Variants in OR9Q2 observed in about 807,000 individuals in gnomAD.
OR9Q2 encodes olfactory receptor family 9 subfamily Q member 2.
OR9Q2 carries 2 observed loss-of-function variants against 2.3 expected under a neutral mutation model. The ratio of observed to expected loss-of-function variants is 0.85; its 90% CI spans 0.35 to 2.68. The LOEUF is 2.68. OR9Q2 is among the 30% of genes most tolerant of loss of function. The pLI, the probability that OR9Q2 is intolerant of heterozygous loss-of-function variation, is 0.10. For synonymous variants in OR9Q2, 178 were observed against 158.6 expected, an observed-to-expected ratio of 1.12 and a Z score of -0.92; for missense variants, 404 against 395.7, an observed-to-expected ratio of 1.02 and a Z score of -0.18.
Position 58,191,573 on chromosome 11 carries a change from A to G in OR9Q2, c.*138A>G. 1.7e-6 allele frequency: 1 copy of G among 596,662 alleles called. No homozygotes were observed. The highest frequency in any genetic ancestry group is 2.8e-5 in the East Asian group (1 of 36,182). The allele number at this position is 596,662 out of a possible 1,614,324, so 37.0% of individuals were successfully genotyped here. A position where few individuals can be genotyped will look rare whatever the true frequency, so the allele number is the denominator to read the frequency against. ...ACTTCCCACCTCCACTTTCTGATTT[A>G]TTATTCCATGTAATACTTATCATCA... On this transcript the variant is annotated 3_prime_UTR_variant, in exon 2 of 2. Transcript: ENST00000641291.
Position 58,191,389 on chromosome 11 carries a change from C to A in OR9Q2, c.899C>A (p.Ala300Asp). 1.2e-6 allele frequency: 2 copies of A among 1,613,218 alleles called. No individual in the cohort carries two copies. Among genetic ancestry groups the A allele is most frequent in the Non-Finnish European group, 1.7e-6 (2 of 1,179,540 alleles). Residue 300 changes from alanine to aspartate, a missense_variant, in exon 2 of 2, where the codon GCC (alanine) becomes GAC (aspartate). Physicochemically the swap from Ala to Asp is moderately radical, Grantham distance 126. Transcript: ENST00000641291. ...CTGAGAAACAAGGAGGTAAAAGAGG[C>A]CACTAGGAAAGCCCTGAGCAAATCA... is the stretch of plus-strand genomic sequence containing the variant. ...YSLRNKEVKE[A>D]TRKALSKSKP... is the part of the protein sequence containing the mutation.
chr11:58,194,032 A>G lies in OR9Q2; in HGVS notation c.*2597A>G, dbSNP rs1565102369. 2 of 152,184 alleles carry G rather than the reference A, an allele frequency of 1.3e-5. No homozygotes were observed. Among genetic ancestry groups the G allele is most frequent in the African/African-American group, 2.4e-5 (1 of 41,458 alleles). 9.4% of individuals were successfully genotyped at this position (152,184 alleles called of 1,614,324 possible). On this transcript the variant is annotated 3_prime_UTR_variant, in exon 2 of 2. Transcript: ENST00000641291. ...CAAACACTGATTATTGTTATTTATTACTATTAGCATTTACAAATATGGAAT... is the reference window on the plus strand; with the variant it reads ...CAAACACTGATTATTGTTATTTATTGCTATTAGCATTTACAAATATGGAAT...
In OR9Q2 at chr11:58,190,866, G is replaced by C; in HGVS notation, c.376G>C (p.Val126Leu). 1.2e-6 allele frequency: 2 copies of C among 1,614,186 alleles called. No individual in the cohort carries two copies. Among genetic ancestry groups the C allele is most frequent in the South Asian group, 2.2e-5 (2 of 91,082 alleles). The change falls in exon 2 of 2, where the codon GTG becomes CTG. Residue 126 changes from valine (V) to leucine (L), a missense_variant. Transcript: ENST00000641291. ...AIMAYDRYTA[V>L]CQPLLYVTII... Reference sequence around the variant, plus strand: ...CATGGCCTATGACCGCTACACGGCCGTGTGCCAGCCCCTGCTTTATGTCAC... The same window carrying C: ...CATGGCCTATGACCGCTACACGGCCCTGTGCCAGCCCCTGCTTTATGTCAC...
In OR9Q2 at chr11:58,190,970, G is replaced by A. The variant is rs773474840; in HGVS notation, c.480G>A (p.Thr160=). 4.3e-6 allele frequency: 7 copies of A among 1,613,916 alleles called. No individual in the cohort carries two copies. In the East Asian group the frequency reaches 8.9e-5, roughly 21 times the overall value. Residue 160 remains threonine (T), a synonymous_variant, in exon 2 of 2, where the codon ACG becomes ACA. Coordinates refer to ENST00000641291, the MANE Select transcript of OR9Q2 (RefSeq NM_001005283.3). The part of the protein sequence containing the change: ...VAGFFSAFVR[T]VTAFTLSFCG... ...GTTTTTTCAGTGCCTTTGTTCGAACGGTCACAGCCTTCACTCTCTCCTTTT... is the reference window on the plus strand; with the variant it reads ...GTTTTTTCAGTGCCTTTGTTCGAACAGTCACAGCCTTCACTCTCTCCTTTT...
chr11:58,192,668 T>C lies in OR9Q2; in HGVS notation c.*1233T>C, dbSNP rs1336623105. The C allele has an allele frequency of 6.6e-6, 1 of 152,084 alleles. No homozygotes were observed. Among genetic ancestry groups the C allele is most frequent in the African/African-American group, 2.4e-5 (1 of 41,396 alleles). 9.4% of individuals were successfully genotyped at this position (152,084 alleles called of 1,614,324 possible). On this transcript the variant is annotated 3_prime_UTR_variant, in exon 2 of 2. Transcript: ENST00000641291. ...TTGAGGAATGTTTGTTTTAAGGAGA[T>C]ATAATAAATATTTTAGAAAGGAGAT...
Position 58,190,508 on chromosome 11 carries a change from C to T in OR9Q2, c.18C>T (p.Tyr6=). The T allele has an allele frequency of 6.2e-7, 1 of 1,613,318 alleles. No homozygotes were observed. Among genetic ancestry groups the T allele is most frequent in the Non-Finnish European group, 8.5e-7 (1 of 1,179,396 alleles). Residue 6 remains tyrosine, a synonymous_variant, in exon 2 of 2, where the codon TAC becomes TAT. Coordinates refer to ENST00000641291, the MANE Select transcript of OR9Q2 (RefSeq NM_001005283.3). The part of the protein sequence containing the change: MAERN[Y]TVVTEFFLTA... ...CTGGATGGATGGCTGAAAGGAATTA[C>T]ACCGTAGTGACGGAGTTCTTCCTTA...
chr11:58,190,571 C>G lies in OR9Q2; in HGVS notation c.81C>G (p.Leu27=). 6.2e-7 allele frequency: 1 copy of G among 1,614,112 alleles called. No individual in the cohort carries two copies. Among genetic ancestry groups the G allele is most frequent in the African/African-American group, 1.3e-5 (1 of 75,042 alleles). ...AACATCTCCAGTGGAGGGTTCCTCT[C>G]TTCCTCATATTTTTGAGTTTCTATC... ...FTEHLQWRVP[L]FLIFLSFYLA... Residue 27 remains leucine, a synonymous_variant, in exon 2 of 2, where the codon CTC becomes CTG. Coordinates refer to ENST00000641291, the MANE Select transcript of OR9Q2 (RefSeq NM_001005283.3).
chr11:58,189,151 T>C (rs137906548), intron 1 of OR9Q2, 43 bp downstream of exon 1: 21 of 152,248 alleles, frequency 1.4e-4, no homozygotes, highest in African/African-American at 4.8e-4. Flanking sequence ...GTCAGGGATA[T>C]ATTGTTTTGT....
At position 58,190,666 on chromosome 11, in the gene OR9Q2, T is replaced by C. The variant is rs771752062; in HGVS notation, c.176T>C (p.Met59Thr). Residue 59 changes from methionine (M) to threonine (T), a missense_variant, in exon 2 of 2, where the codon ATG becomes ACG. Coordinates refer to ENST00000641291, the MANE Select transcript of OR9Q2 (RefSeq NM_001005283.3). Reference protein sequence around the residue: ...IRGDRRLHTPMYFFLSHLSLV... With the variant: ...IRGDRRLHTPTYFFLSHLSLV... ...GGCGATCGTCGGCTCCACACCCCGA[T>C]GTACTTCTTCCTCAGCCACCTTTCC... 9.9e-6 allele frequency: 16 copies of C among 1,614,090 alleles called. No individual in the cohort carries two copies. The Admixed American group carries it at 2.3e-4, about 24-fold the overall frequency.
Position 58,191,256 on chromosome 11 carries a change from A to G in OR9Q2, c.766A>G (p.Ile256Val), listed in dbSNP as rs768570920. Residue 256 changes from isoleucine to valine, a missense_variant, in exon 2 of 2, where the codon ATC (isoleucine) becomes GTC (valine). Transcript: ENST00000641291. The part of the protein sequence containing the change: ...TAVALFFGTL[I>V]FMYLRDNTGQ... ...CGTCGCTCTTTTCTTTGGCACCCTC[A>G]TCTTCATGTACCTGCGAGACAACAC... is the stretch of plus-strand genomic sequence containing the variant. The G allele has an allele frequency of 9.3e-6, 15 of 1,613,938 alleles. No homozygotes were observed. Among genetic ancestry groups the G allele is most frequent in the African/African-American group, 1.3e-5 (1 of 74,942 alleles).
At position 58,190,511 on chromosome 11, in the gene OR9Q2, C is replaced by T. The variant is rs141768959; in HGVS notation, c.21C>T (p.Thr7=). 4.2e-5 allele frequency: 67 copies of T among 1,613,490 alleles called. No homozygotes were observed. The highest frequency in any genetic ancestry group is 3.7e-4 in the Admixed American group (22 of 60,004). Residue 7 remains threonine (T), a synonymous_variant, in exon 2 of 2, where the codon ACC becomes ACT. Transcript: ENST00000641291. ...GATGGATGGCTGAAAGGAATTACAC[C>T]GTAGTGACGGAGTTCTTCCTTACTG... MAERNY[T]VVTEFFLTAF... is the part of the protein sequence containing the mutation.
rs1377529780 is a variant in OR9Q2, at chr11:58,192,752, T to G, written c.*1317T>G. 1 of 152,152 alleles carries G rather than the reference T, an allele frequency of 6.6e-6. No homozygotes were observed. The highest frequency in any genetic ancestry group is 1.9e-4 in the East Asian group (1 of 5,192). The allele number at this position is 152,152 out of a possible 1,614,324, so 9.4% of individuals were successfully genotyped here. Reference sequence around the variant, plus strand: ...AAATGAACACCTATGGCCAAGAGGTTTGGGATCATATATCAGCTCTGGTAG... The same window carrying G: ...AAATGAACACCTATGGCCAAGAGGTGTGGGATCATATATCAGCTCTGGTAG... On this transcript the variant is annotated 3_prime_UTR_variant, in exon 2 of 2. Transcript: ENST00000641291.
rs1274197380 is a variant in OR9Q2 at position 58,191,387 on chromosome 11, G to A, written c.897G>A (p.Glu299=). The change falls in exon 2 of 2, where the codon GAG becomes GAA. Residue 299 remains glutamate (E), a synonymous_variant. Coordinates refer to ENST00000641291, the MANE Select transcript of OR9Q2 (RefSeq NM_001005283.3). ...GCCTGAGAAACAAGGAGGTAAAAGA[G>A]GCCACTAGGAAAGCCCTGAGCAAAT... ...IYSLRNKEVK[E]ATRKALSKSK... is the part of the protein sequence containing the mutation. 6 of 1,613,320 alleles carry A rather than the reference G, an allele frequency of 3.7e-6. No homozygotes were observed. Among genetic ancestry groups the A allele is most frequent in the Non-Finnish European group, 5.1e-6 (6 of 1,179,690 alleles).
rs968264737 is a variant in OR9Q2 at position 58,193,117 on chromosome 11, G to A, written c.*1682G>A. 5.9e-5 allele frequency: 9 copies of A among 152,076 alleles called. No homozygotes were observed. The highest frequency in any genetic ancestry group is 1.0e-4 in the Non-Finnish European group (7 of 68,010). The allele number at this position is 152,076 out of a possible 1,614,324, so 9.4% of individuals were successfully genotyped here. A position where few individuals can be genotyped will look rare whatever the true frequency, so the allele number is the denominator to read the frequency against. On this transcript the variant is annotated 3_prime_UTR_variant, in exon 2 of 2. Coordinates refer to ENST00000641291, the MANE Select transcript of OR9Q2 (RefSeq NM_001005283.3). ...ATATTTGGATAATTGGAAGGCATTC[G>A]GTAATATTATAAACATTATTTAGTG...
At position 58,190,958 on chromosome 11, in the gene OR9Q2, C is replaced by G; in HGVS notation, c.468C>G (p.Ala156=). Residue 156 remains alanine, a synonymous_variant, in exon 2 of 2, where the codon GCC becomes GCG. Transcript: ENST00000641291. ...TGAYVAGFFS[A]FVRTVTAFTL... ...CTTACGTTGCTGGTTTTTTCAGTGC[C>G]TTTGTTCGAACGGTCACAGCCTTCA... The G allele has an allele frequency of 6.2e-7, 1 of 1,614,220 alleles. No homozygotes were observed. Among genetic ancestry groups the G allele is most frequent in the East Asian group, 2.2e-5 (1 of 44,878 alleles).
At position 58,193,061 on chromosome 11, in the gene OR9Q2, T is replaced by A. The variant is rs1854779348; in HGVS notation, c.*1626T>A. 6.6e-6 allele frequency: 1 copy of A among 152,230 alleles called. No homozygotes were observed. The highest frequency in any genetic ancestry group is 2.1e-4 in the South Asian group (1 of 4,828). 9.4% of individuals were successfully genotyped at this position (152,230 alleles called of 1,614,324 possible). A position where few individuals can be genotyped will look rare whatever the true frequency, so the allele number is the denominator to read the frequency against. Reference sequence around the variant, plus strand: ...CACTTACTCTGGGACATGATTTACATGTATCTCATTTATTCTCACAATAAC... The same window carrying A: ...CACTTACTCTGGGACATGATTTACAAGTATCTCATTTATTCTCACAATAAC... On this transcript the variant is annotated 3_prime_UTR_variant, in exon 2 of 2. Transcript: ENST00000641291.
In OR9Q2 at chr11:58,191,018, C is replaced by T. The variant is rs781765504; in HGVS notation, c.528C>T (p.Phe176=). The T allele has an allele frequency of 6.2e-6, 10 of 1,614,192 alleles. No individual in the cohort carries two copies. Among genetic ancestry groups the T allele is most frequent in the Non-Finnish European group, 8.5e-6 (10 of 1,180,040 alleles). ...LSFCGNNEIN[F]IFCDLPPLLK... ...TTTGTGGAAACAATGAGATCAACTT[C>T]ATTTTCTGTGACCTCCCTCCTCTAT... The change falls in exon 2 of 2, where the codon TTC becomes TTT. Residue 176 remains phenylalanine (F), a synonymous_variant. Coordinates refer to ENST00000641291, the MANE Select transcript of OR9Q2 (RefSeq NM_001005283.3).
Position 58,191,629 on chromosome 11 carries a change from C to A in OR9Q2, c.*194C>A. ...CATATTAGATGTTATATGTGTTTGA[C>A]ATTTTCTAATGCTCACAACTAGAAA... On this transcript the variant is annotated 3_prime_UTR_variant, in exon 2 of 2. Coordinates refer to ENST00000641291, the MANE Select transcript of OR9Q2 (RefSeq NM_001005283.3). The A allele has an allele frequency of 6.4e-6, 3 of 468,752 alleles. No individual in the cohort carries two copies. The highest frequency in any genetic ancestry group is 1.1e-4 in the South Asian group (2 of 18,138). 29.0% of individuals were successfully genotyped at this position (468,752 alleles called of 1,614,324 possible).
chr11:58,193,242 G>A lies in OR9Q2; in HGVS notation c.*1807G>A, dbSNP rs941273092. ...CAGAGGGACCCATAGCTGATCTCTG[G>A]GCCTCTTTATTGAAGAACTGTCTGG... is the stretch of plus-strand genomic sequence containing the variant. On this transcript the variant is annotated 3_prime_UTR_variant, in exon 2 of 2. Coordinates refer to ENST00000641291, the MANE Select transcript of OR9Q2 (RefSeq NM_001005283.3). 6.6e-6 allele frequency: 1 copy of A among 152,042 alleles called. No homozygotes were observed. The highest frequency in any genetic ancestry group is 2.4e-5 in the African/African-American group (1 of 41,378). The allele number at this position is 152,042 out of a possible 1,614,324, so 9.4% of individuals were successfully genotyped here. A position where few individuals can be genotyped will look rare whatever the true frequency, so the allele number is the denominator to read the frequency against.
Sources: allele counts gnomAD v4.1 joint callset, GRCh38; gene constraint gnomAD v4.1.1; transcripts MANE v1.5; gene names NCBI Gene and HGNC (gene_info 2026-07-23, HGNC 2026-07-21).